The following TAS2R1 variants were observed in gnomAD, a reference collection of about 807,000 sequenced individuals.
The protein encoded by TAS2R1 is taste receptor type 2 member 1.
For missense variants in TAS2R1, 370 were observed against 353.4 expected (o/e 1.05, Z -0.38); for synonymous variants, 141 against 134.2 (o/e 1.05, Z -0.35).
chr5:9,629,665 G>A lies in TAS2R1; in HGVS notation c.368C>T (p.Ser123Phe). The change falls in exon 1 of 1, where the codon TCC becomes TTC. Residue 123 changes from serine to phenylalanine, a missense_variant. Ser to Phe is a radical substitution (Grantham distance 155). Transcript: ENST00000382492. Reference sequence around the variant, plus strand: ...CAGGATCATCCATGGGACCAGCTTGGATATCCTCATCTTCAACCAGATGAA... The same window carrying A: ...CAGGATCATCCATGGGACCAGCTTGAATATCCTCATCTTCAACCAGATGAA... Reference protein sequence around the residue: ...PLFIWLKMRISKLVPWMILGS... With the variant: ...PLFIWLKMRIFKLVPWMILGS... 1 of 1,614,128 alleles carries A rather than the reference G, an allele frequency of 6.2e-7. No individual in the cohort carries two copies. Among genetic ancestry groups the A allele is most frequent in the Non-Finnish European group, 8.5e-7 (1 of 1,180,026 alleles).
chr5:9,645,174 T>C (rs1335304738), intron 2 of TAS2R1, among the ~76,000 whole-genome samples: 1 of 152,144 alleles, frequency 6.6e-6, no homozygotes, highest in African/African-American at 2.4e-5. Context: ...TTACCAATCA[T>C]TTAGTGCTTA....
the TAS2R1 span, among the ~76,000 whole-genome samples, chr5:9,787,961 C>T: frequency 9.2e-3 from 1,405 of 152,352 alleles, 10 homozygotes; most frequent in Admixed American, 0.015. Context: ...TTTCTGCACA[C>T]TCTCAAGCTC....
the TAS2R1 span, among the ~76,000 whole-genome samples, chr5:9,739,856 T>C: frequency 2.6e-5 from 4 of 152,228 alleles, no homozygotes; most frequent in African/African-American, 9.6e-5. Flanking sequence ...AGCTATGTCT[T>C]AGAATTACAT....
the TAS2R1 span, among the ~76,000 whole-genome samples, chr5:9,774,429 C>A: frequency 1.3e-5 from 2 of 152,202 alleles, no homozygotes; most frequent in African/African-American, 2.4e-5. Flanking sequence ...TCACTGATAA[C>A]CTTATTAAGT....
chr5:9,634,796 G>T (rs567797502), upstream of TAS2R1, among the ~76,000 whole-genome samples: 124 of 152,164 alleles, frequency 8.1e-4, no homozygotes, highest in Middle Eastern at 6.8e-3. Flanking sequence ...CACTGACTTT[G>T]TATCCTGAAA....
At chr5:9,885,516 C>G in the TAS2R1 span, among the ~76,000 whole-genome samples, 1 of 152,126 alleles carries the variant, frequency 6.6e-6, no homozygotes, top group African/African-American at 2.4e-5. Context: ...TGACTCTGAT[C>G]AAACATTTTT....
At chr5:9,663,749 G>C (rs910075112) in intron 1 of TAS2R1, among the ~76,000 whole-genome samples, 3 of 152,184 alleles carry the variant, frequency 2.0e-5, no homozygotes, top group African/African-American at 7.2e-5. Flanking sequence ...TGGATAGAAA[G>C]TTTTGCAAAT....
the TAS2R1 span, among the ~76,000 whole-genome samples, chr5:9,721,581 T>C: frequency 6.6e-6 from 1 of 152,234 alleles, no homozygotes; most frequent in Non-Finnish European, 1.5e-5. Context: ...TTTTTTCTCT[T>C]CCTAGCTCAC....
At chr5:9,672,105 C>T (rs369190603) in intron 1 of TAS2R1, among the ~76,000 whole-genome samples, 34 of 152,046 alleles carry the variant, frequency 2.2e-4, no homozygotes, top group South Asian at 4.2e-4. Context: ...AGATTGATGC[C>T]GGACCCCTTC....
the TAS2R1 span, among the ~76,000 whole-genome samples, chr5:9,792,517 G>A: frequency 6.6e-6 from 1 of 152,124 alleles, no homozygotes; most frequent in Non-Finnish European, 1.5e-5. Context: ...CTTTTGAAGT[G>A]GAAAAATTAC....
chr5:9,735,349 T>C, the TAS2R1 span, among the ~76,000 whole-genome samples: 1 of 151,410 alleles, frequency 6.6e-6, no homozygotes, highest in African/African-American at 2.5e-5. Context: ...AAGTAACAAC[T>C]GAAAAAAATT....
intron 1 of TAS2R1, among the ~76,000 whole-genome samples, chr5:9,660,886 T>C (rs374778097): frequency 7.4e-4 from 112 of 152,260 alleles, no homozygotes; most frequent in African/African-American, 1.9e-3. Flanking sequence ...AGAAAAGTTA[T>C]AGGAGCTCAG....
At chr5:9,718,171 G>A in the TAS2R1 span, among the ~76,000 whole-genome samples, 84,922 of 149,058 alleles carry the variant, frequency 0.57, 26,252 homozygotes, top group East Asian at 0.89. Flanking sequence ...GTGTTTCGCC[G>A]TGTTGGCCAG....
chr5:9,835,288 C>T, the TAS2R1 span, among the ~76,000 whole-genome samples: 17 of 152,336 alleles, frequency 1.1e-4, no homozygotes, highest in African/African-American at 3.4e-4. Flanking sequence ...GAAGCTCTCT[C>T]CACTGTGGCC....
chr5:9,758,012 AAT>A, the TAS2R1 span, among the ~76,000 whole-genome samples: 1 of 152,108 alleles, frequency 6.6e-6, no homozygotes. Context: ...CCATTTGCCA[AAT>A]ATATATATTA....
the TAS2R1 span, among the ~76,000 whole-genome samples, chr5:9,874,686 T>C: frequency 1.3e-4 from 20 of 152,356 alleles, no homozygotes; most frequent in Middle Eastern, 0.014. Flanking sequence ...TACAGGTCTT[T>C]CTTGATACAG....
Position 9,629,779 on chromosome 5 carries a change from A to C in TAS2R1, c.254T>G (p.Leu85Arg). 6.2e-7 allele frequency: 1 copy of C among 1,613,902 alleles called. No homozygotes were observed. Among genetic ancestry groups the C allele is most frequent in the Non-Finnish European group, 8.5e-7 (1 of 1,179,880 alleles). ...AAGTTCCAATTCATTTATAAATAAGAGAATTGCACAATTCGCAGAACACAT... is the reference window on the plus strand; with the variant it reads ...AAGTTCCAATTCATTTATAAATAAGCGAATTGCACAATTCGCAGAACACAT... ...FIMCSANCAI[L>R]LFINELELWL... is the part of the protein sequence containing the mutation. The change falls in exon 1 of 1, where the codon CTC becomes CGC. Residue 85 changes from leucine (L) to arginine (R), a missense_variant. By Grantham distance (102) the Leu-to-Arg change is moderately radical. Coordinates refer to ENST00000382492, the MANE Select transcript of TAS2R1 (RefSeq NM_019599.3).
At chr5:9,743,308 CT>C in the TAS2R1 span, among the ~76,000 whole-genome samples, 22,988 of 148,030 alleles carry the variant, frequency 0.16, 2,159 homozygotes, top group East Asian at 0.32. Flanking sequence ...CAGTGCTATT[CT>C]TTTTTTTTTT....
intron 1 of TAS2R1, among the ~76,000 whole-genome samples, chr5:9,664,083 G>A (rs750820936): frequency 3.0e-4 from 46 of 152,104 alleles, no homozygotes; most frequent in African/African-American, 1.1e-3. Context: ...GAAGTTTGTG[G>A]TGGTTTGTTG....
Sources: gnomAD v4.1 joint callset for allele counts (sites outside exome capture counted in the v4.1 genomes callset) on GRCh38, gnomAD v4.1.1 for gene constraint, MANE v1.5 for transcripts, NCBI Gene and HGNC (gene_info 2026-07-23, HGNC 2026-07-21) for gene names.